Variants in FHIT observed in about 807,000 individuals in gnomAD.
FHIT encodes the protein bis(5'-adenosyl)-triphosphatase.
A neutral mutation model predicts 17.9 loss-of-function variants in FHIT; 19 were observed. The ratio of observed to expected loss-of-function variants is 1.06; its 90% confidence interval spans 0.74 to 1.56. The LOEUF is 1.56. Among genes scored for constraint, FHIT ranks in the 40% most tolerant of loss-of-function variants. The pLI is 0.00. For synonymous variants in FHIT, 81 were observed against 69.7 expected, an observed-to-expected ratio of 1.16 and a Z score of -0.81; for missense variants, 248 against 189.2, an observed-to-expected ratio of 1.31 and a Z score of -1.82.
At chr3:60,148,656 C>A (rs941831553) in intron 5 of FHIT, among the ~76,000 whole-genome samples, 1 of 152,086 alleles carries the variant, frequency 6.6e-6, no homozygotes, top group Non-Finnish European at 1.5e-5. Flanking sequence ...TAGTTAAAGA[C>A]CAAATATCTG....
At chr3:60,157,504 T>C (rs1700754312) in intron 5 of FHIT, among the ~76,000 whole-genome samples, 2 of 152,182 alleles carry the variant, frequency 1.3e-5, no homozygotes, top group South Asian at 4.1e-4. Context: ...TAATAGCTCT[T>C]GTATTAGCAT....
At position 60,173,217 on chromosome 3, in the gene FHIT, C is replaced by CA. The variant is rs1053331190; in HGVS notation, c.104-159066dup. Among the ~76,000 whole-genome samples the CA allele has an allele frequency of 9.9e-5, 15 of 152,260 alleles. 1 individual carries two copies. In the East Asian group the frequency reaches 1.7e-3, roughly 18 times the overall value. On this transcript the variant is annotated intron_variant, in intron 5 of 9. Coordinates refer to ENST00000492590, the MANE Select transcript of FHIT (RefSeq NM_002012.4). ...GGTTGAAAGATCATGATGGATTATG[C>CA]AGCAGGGACCCACCATTCCCAGACT...
intron 5 of FHIT, among the ~76,000 whole-genome samples, chr3:60,397,183 G>A (rs142563553): frequency 2.8e-4 from 42 of 152,300 alleles, no homozygotes; most frequent in African/African-American, 9.6e-4. Flanking sequence ...GAAAAGAAGG[G>A]TAACTTTTAA....
At chr3:60,740,186 G>A (rs2042213715) in intron 4 of FHIT, among the ~76,000 whole-genome samples, 1 of 152,150 alleles carries the variant, frequency 6.6e-6, no homozygotes, top group Non-Finnish European at 1.5e-5. Context: ...TTATTGCTGG[G>A]TGCAGGGAGT....
At chr3:61,237,948 T>G (rs576532765) in intron 1 of FHIT, among the ~76,000 whole-genome samples, 2 of 152,134 alleles carry the variant, frequency 1.3e-5, no homozygotes, top group East Asian at 1.9e-4. Context: ...CTCTACAAAG[T>G]ATAAATAACC....
At chr3:60,349,161 T>C (rs967193979) in intron 5 of FHIT, among the ~76,000 whole-genome samples, 2 of 152,228 alleles carry the variant, frequency 1.3e-5, no homozygotes, top group Non-Finnish European at 1.5e-5. Context: ...TAAAAAATTA[T>C]TCATTTTCTA....
chr3:60,894,085 A>T (rs1192699565), intron 3 of FHIT, among the ~76,000 whole-genome samples: 1 of 152,146 alleles, frequency 6.6e-6, no homozygotes, highest in Non-Finnish European at 1.5e-5. Context: ...TACATCAAAC[A>T]TTTAGCATGC....
intron 5 of FHIT, among the ~76,000 whole-genome samples, chr3:60,302,329 T>G (rs1266641081): frequency 6.6e-6 from 1 of 152,070 alleles, no homozygotes. Flanking sequence ...CTGGCATATT[T>G]AATCAACAGA....
intron 4 of FHIT, among the ~76,000 whole-genome samples, chr3:60,800,423 A>T (rs1701147037): frequency 6.6e-6 from 1 of 152,288 alleles, no homozygotes; most frequent in Admixed American, 6.5e-5. Flanking sequence ...ACATATTGAT[A>T]TCATTGGCAG....
intron 5 of FHIT, among the ~76,000 whole-genome samples, chr3:60,360,354 G>C (rs1699855154): frequency 6.6e-6 from 1 of 152,008 alleles, no homozygotes; most frequent in Non-Finnish European, 1.5e-5. Context: ...AAGGAAAAAG[G>C]AAAATAATGC....
chr3:61,081,784 T>C (rs56260470), intron 2 of FHIT, among the ~76,000 whole-genome samples: 1 of 152,194 alleles, frequency 6.6e-6, no homozygotes, highest in Non-Finnish European at 1.5e-5. Flanking sequence ...ATTACATCTG[T>C]AATGACAGTA....
intron 3 of FHIT, among the ~76,000 whole-genome samples, chr3:60,838,291 G>A (rs1702603290): frequency 6.6e-6 from 1 of 152,036 alleles, no homozygotes. Flanking sequence ...TGGGCAACAC[G>A]GTGAAACCCG....
At chr3:60,460,109 T>C (rs1435165563) in intron 5 of FHIT, among the ~76,000 whole-genome samples, 1 of 151,982 alleles carries the variant, frequency 6.6e-6, no homozygotes, top group Non-Finnish European at 1.5e-5. Flanking sequence ...CATATTCACA[T>C]ATCAAAAAAT....
chr3:61,232,182 G>A (rs951272888), intron 1 of FHIT, among the ~76,000 whole-genome samples: 1 of 152,078 alleles, frequency 6.6e-6, no homozygotes, highest in East Asian at 1.9e-4. Flanking sequence ...CCAGGAGTTC[G>A]AGACCAGCCT....
Position 61,173,215 on chromosome 3 carries a change from G to A in FHIT, c.-164+27402C>T, listed in dbSNP as rs150275913. Among the ~76,000 whole-genome samples, 294 of 151,990 alleles carry A rather than the reference G, an allele frequency of 1.9e-3. 1 individual carries two copies. The highest frequency in any genetic ancestry group is 6.5e-3 in the African/African-American group (268 of 41,432). On this transcript the variant is annotated intron_variant, in intron 2 of 9. Coordinates refer to ENST00000492590, the MANE Select transcript of FHIT (RefSeq NM_002012.4). ...TTCATAATCCATCCTGTCATCTTTC[G>A]TGTGTGGAACCATGAACATTTCTCT...
At chr3:59,888,955 G>C (rs1406924111) in intron 8 of FHIT, among the ~76,000 whole-genome samples, 3 of 152,178 alleles carry the variant, frequency 2.0e-5, no homozygotes, top group African/African-American at 4.8e-5. Context: ...AGGGTGAGAA[G>C]GGCTGAGCTA....
intron 4 of FHIT, among the ~76,000 whole-genome samples, chr3:60,803,681 A>G (rs79587788): frequency 2.6e-4 from 40 of 152,148 alleles, no homozygotes; most frequent in African/African-American, 8.2e-4. Flanking sequence ...GTTCCCTTTA[A>G]TCATCCAGAT....
At chr3:60,250,301 C>T (rs898683909) in intron 5 of FHIT, among the ~76,000 whole-genome samples, 6 of 152,122 alleles carry the variant, frequency 3.9e-5, no homozygotes, top group Admixed American at 3.3e-4. Flanking sequence ...GTGAAATTAT[C>T]CTAACATGCT....
intron 5 of FHIT, among the ~76,000 whole-genome samples, chr3:60,122,093 C>T (rs142014532): frequency 5.6e-4 from 83 of 149,066 alleles, no homozygotes; most frequent in African/African-American, 2.0e-3. Flanking sequence ...TTCTTTTCTT[C>T]AGAAGAGAAA....
Sources: gnomAD v4.1 joint callset for allele counts (sites outside exome capture counted in the v4.1 genomes callset) on GRCh38, gnomAD v4.1.1 for gene constraint, MANE v1.5 for transcripts, NCBI Gene and HGNC (gene_info 2026-07-23, HGNC 2026-07-21) for gene names.